PLXNB2: variants seen among roughly 807,000 people sequenced by gnomAD.
The protein encoded by PLXNB2 is plexin-B2.
A neutral mutation model predicts 202.6 loss-of-function variants in PLXNB2; 85 were observed. The observed-to-expected ratio is 0.42, with a 90% CI of 0.35 to 0.50. The LOEUF (loss-of-function observed/expected upper bound fraction) is 0.50, where lower values mean the gene tolerates loss of function less well. Among genes scored for constraint, PLXNB2 ranks in the 20% least tolerant of loss-of-function variants. The pLI is 0.02. For missense variants in PLXNB2, 2,063 were observed against 2,586.2 expected (o/e 0.80, Z 4.39); for synonymous variants, 1,239 against 1,137.6 (o/e 1.09, Z -1.79).
intron 33 of PLXNB2, 43 bp from the exon 34 acceptor site, chr22:50,276,949 G>A: frequency 6.8e-7 from 1 of 1,467,382 alleles, no homozygotes; most frequent in African/African-American, 1.4e-5. Flanking sequence ...AAGGGGGCCA[G>A]GCTGGGGCTG....
At chr22:50,277,466 C>G in intron 33 of PLXNB2, 125 bp downstream of exon 33, 1 of 1,005,758 alleles carries the variant, frequency 9.9e-7, no homozygotes, top group African/African-American at 1.6e-5. Context: ...CCCGTCACCT[C>G]CTACATCAAG....
At chr22:50,290,730 G>A in intron 2 of PLXNB2, 133 bp from the exon 3 acceptor site, 1 of 967,506 alleles carries the variant, frequency 1.0e-6, no homozygotes, top group Non-Finnish European at 1.5e-6. Flanking sequence ...GGAACCTGGA[G>A]CTCCGCCCCT....
At position 50,286,114 on chromosome 22, in the gene PLXNB2, A is replaced by C; in HGVS notation, c.1878-16T>G. On this transcript the variant is annotated splice_polypyrimidine_tract_variant and intron_variant, in intron 9 of 36. Coordinates refer to ENST00000359337, the MANE Select transcript of PLXNB2 (RefSeq NM_012401.4). The stretch of plus-strand genomic sequence containing the variant: ...GGAGATGCACCTGCATCCAGAGGGG[A>C]TCGTGAGCAGGGCTGGGGTGGACGG... The C allele has an allele frequency of 6.2e-7, 1 of 1,611,646 alleles. No individual in the cohort carries two copies. The highest frequency in any genetic ancestry group is 1.1e-5 in the South Asian group (1 of 91,052).
rs979603617 is a variant in PLXNB2 at position 50,284,078 on chromosome 22, C to T, written c.2263+54G>A. ...TGCGCCCACCTGTCCCCCCACCCAC[C>T]GCCTTGTGCCCACCCGTCCCCTGCC... On this transcript the variant is annotated intron_variant, in intron 13 of 36. Coordinates refer to ENST00000359337, the MANE Select transcript of PLXNB2 (RefSeq NM_012401.4). This position sits in a 1 kb window ranked among gnomAD's most constrained non-coding sequence, Gnocchi z 8.0. The T allele has an allele frequency of 9.0e-6, 14 of 1,548,026 alleles. No homozygotes were observed. The highest frequency in any genetic ancestry group is 3.5e-5 in the South Asian group (3 of 85,128).
rs1329602008 is a variant in PLXNB2 at position 50,283,986 on chromosome 22, G to A, written c.2268C>T (p.Thr756=). Residue 756 remains threonine (T), a synonymous_variant, in exon 14 of 37, where the codon ACC becomes ACT. Coordinates refer to ENST00000359337, the MANE Select transcript of PLXNB2 (RefSeq NM_012401.4). The part of the protein sequence containing the change: ...GKNIDSKLHV[T]LYNCSFGRSD... ...TGCGGCCAAAGGAGCAGTTGTAGAG[G>A]GTCACTGCGGGGAGAGCTGCCGTCA... 1 of 1,540,252 alleles carries A rather than the reference G, an allele frequency of 6.5e-7. No homozygotes were observed. The highest frequency in any genetic ancestry group is 8.7e-7 in the Non-Finnish European group (1 of 1,146,700).
chr22:50,283,697 C>G lies in PLXNB2; in HGVS notation c.2475G>C (p.Gly825=), dbSNP rs1182637784. The change falls in exon 15 of 37, where the codon GGG becomes GGC. Residue 825 remains glycine (G), a synonymous_variant. Transcript: ENST00000359337. ...CCCCTGCTTGGACGCCCAAATTGGA[C>G]CCCAGGATGGTGATGCGGATGCCCC... ...LGGGIRITIL[G]SNLGVQAGDI... 6.2e-7 allele frequency: 1 copy of G among 1,613,160 alleles called. No homozygotes were observed. The highest frequency in any genetic ancestry group is 1.7e-5 in the Admixed American group (1 of 60,002).
chr22:50,280,369 G>A (rs927780374), intron 25 of PLXNB2, 120 bp downstream of exon 25: 47 of 937,726 alleles, frequency 5.0e-5, no homozygotes, highest in South Asian at 1.2e-4. Context: ...CACCACCAGC[G>A]CTGGCTGGCA....
intron 1 of PLXNB2, among the ~76,000 whole-genome samples, chr22:50,304,357 G>GCCTCT (rs1231617927): frequency 2.0e-5 from 3 of 152,158 alleles, no homozygotes; most frequent in Non-Finnish European, 2.9e-5. Flanking sequence ...GACGGGAGGG[G>GCCTCT]CCCAGCCAAT....
intron 34 of PLXNB2, 52 bp downstream of exon 34, chr22:50,276,790 A>AG: frequency 6.3e-7 from 1 of 1,589,928 alleles, no homozygotes; most frequent in Non-Finnish European, 8.6e-7. Flanking sequence ...ACCTCCCCGC[A>AG]GGGGGTCGAG....
Position 50,280,825 on chromosome 22 carries a change from G to A in PLXNB2, c.3912C>T (p.Ile1304=), listed in dbSNP as rs1483527617. The change falls in exon 24 of 37, where the codon ATC becomes ATT. Residue 1304 remains isoleucine (I), a synonymous_variant. Coordinates refer to ENST00000359337, the MANE Select transcript of PLXNB2 (RefSeq NM_012401.4). ...CCACCACCGGCCGCCGCGGCTCAGG[G>A]ATGTCCAGCTTGCCGGTGATCATCA... ...KDVMITGKLD[I]PEPRRPVVEQ... is the part of the protein sequence containing the mutation. 3.1e-6 allele frequency: 5 copies of A among 1,613,208 alleles called. No individual in the cohort carries two copies. The highest frequency in any genetic ancestry group is 2.2e-5 in the South Asian group (2 of 91,082).
In PLXNB2 at chr22:50,290,375, G is replaced by C. The variant is rs2066777375; in HGVS notation, c.210C>G (p.Gly70=). ...KLQLEQQVAT[G]PALDNKKCTP... is the part of the protein sequence containing the mutation. ...TGCACTTCTTGTTGTCCAGGGCCGG[G>C]CCCGTGGCCACCTGCTGCTCCAGCT... is the stretch of plus-strand genomic sequence containing the variant. Residue 70 remains glycine (G), a synonymous_variant, in exon 3 of 37, where the codon GGC becomes GGG. Coordinates refer to ENST00000359337, the MANE Select transcript of PLXNB2 (RefSeq NM_012401.4). 1.2e-6 allele frequency: 2 copies of C among 1,612,782 alleles called. No homozygotes were observed. Among genetic ancestry groups the C allele is most frequent in the African/African-American group, 2.7e-5 (2 of 74,944 alleles).
At chr22:50,302,941 G>T (rs1430942469) in intron 1 of PLXNB2, among the ~76,000 whole-genome samples, 1 of 152,120 alleles carries the variant, frequency 6.6e-6, no homozygotes, top group Non-Finnish European at 1.5e-5. Context: ...ACCTGACAGG[G>T]CTGGGATCCA....
At position 50,282,692 on chromosome 22, in the gene PLXNB2, G is replaced by C; in HGVS notation, c.2987+19C>G. ...CTGGGTGTGGGGAGCAGAGGGGGGC[G>C]GGGGGACACCAGCCTCACCTGGCAA... On this transcript the variant is annotated intron_variant, in intron 18 of 36. Transcript: ENST00000359337. The C allele has an allele frequency of 1.3e-6, 2 of 1,563,250 alleles. No individual in the cohort carries two copies. The highest frequency in any genetic ancestry group is 1.7e-6 in the Non-Finnish European group (2 of 1,144,780).
intron 36 of PLXNB2, 40 bp from the exon 37 acceptor site, chr22:50,275,848 C>G: frequency 6.2e-7 from 1 of 1,608,224 alleles, no homozygotes; most frequent in Non-Finnish European, 8.5e-7. Flanking sequence ...GGGGACCGCC[C>G]AGCACCCCAC....
intron 34 of PLXNB2, 40 bp from the exon 35 acceptor site, chr22:50,276,744 A>T (rs1196456712): frequency 1.3e-6 from 2 of 1,598,728 alleles, no homozygotes; most frequent in African/African-American, 2.7e-5. Context: ...GGCGGCAGGG[A>T]CCACAAAGGG....
intron 1 of PLXNB2, among the ~76,000 whole-genome samples, chr22:50,296,294 A>ACTGTGATC (rs1470474510): frequency 6.9e-5 from 10 of 144,764 alleles, no homozygotes; most frequent in African/African-American, 2.9e-4. Context: ...TACAGCCTGA[A>ACTGTGATC]GTCCCGGGTA....
At position 50,281,554 on chromosome 22, in the gene PLXNB2, C is replaced by G; in HGVS notation, c.3522+12G>C. 1 of 1,609,852 alleles carries G rather than the reference C, an allele frequency of 6.2e-7. No individual in the cohort carries two copies. The highest frequency in any genetic ancestry group is 1.3e-5 in the African/African-American group (1 of 75,006). Reference sequence around the variant, plus strand: ...CCGTGGGGGCACCCCCCGCCAGTCCCCGCTCACGCACAATGAACTCGGGCA... The same window carrying G: ...CCGTGGGGGCACCCCCCGCCAGTCCGCGCTCACGCACAATGAACTCGGGCA... On this transcript the variant is annotated intron_variant, in intron 21 of 36. Transcript: ENST00000359337.
In PLXNB2 at chr22:50,275,695, G is replaced by A. The variant is rs764392046; in HGVS notation, c.*9C>T. On this transcript the variant is annotated 3_prime_UTR_variant, in exon 37 of 37. Coordinates refer to ENST00000359337, the MANE Select transcript of PLXNB2 (RefSeq NM_012401.4). ...ACCTATGTCCCAAGGCAGCACTGGAGATTGTAGGTCAGAGGTCAGTGACCT... is the reference window on the plus strand; with the variant it reads ...ACCTATGTCCCAAGGCAGCACTGGAAATTGTAGGTCAGAGGTCAGTGACCT... 6.4e-7 allele frequency: 1 copy of A among 1,569,238 alleles called. No homozygotes were observed. The highest frequency in any genetic ancestry group is 8.7e-7 in the Non-Finnish European group (1 of 1,148,766).
chr22:50,275,466 G>T lies in PLXNB2; in HGVS notation c.*238C>A, dbSNP rs527679324. On this transcript the variant is annotated 3_prime_UTR_variant, in exon 37 of 37. Coordinates refer to ENST00000359337, the MANE Select transcript of PLXNB2 (RefSeq NM_012401.4). Reference sequence around the variant, plus strand: ...ACTCGACAGTGAACACCCGATGCTGGTTCTGCGGCCGGAGGGAGCTGGGGC... The same window carrying T: ...ACTCGACAGTGAACACCCGATGCTGTTTCTGCGGCCGGAGGGAGCTGGGGC... 3.3e-4 allele frequency: 217 copies of T among 648,858 alleles called. No homozygotes were observed. The African/African-American group carries it at 3.4e-3, about 10-fold the overall frequency. 40.2% of individuals were successfully genotyped at this position (648,858 alleles called of 1,614,324 possible).
Sources: allele counts gnomAD v4.1 joint callset (sites outside exome capture counted in the v4.1 genomes callset), GRCh38; gene constraint gnomAD v4.1.1; non-coding constraint Gnocchi (gnomAD v3.1); transcripts MANE v1.5; gene names NCBI Gene and HGNC (gene_info 2026-07-23, HGNC 2026-07-21).